The following KAZN variants were observed in gnomAD, a reference collection of about 807,000 sequenced individuals.
KAZN encodes the protein kazrin.
KAZN carries 40 observed loss-of-function variants against 87.4 expected under a neutral mutation model. The observed-to-expected ratio is 0.46, with a 90% confidence interval of 0.36 to 0.60. The LOEUF is 0.60. Among genes scored for constraint, KAZN ranks in the 20% least tolerant of loss-of-function variants. KAZN has a pLI of 0.00. For synonymous variants in KAZN, 466 were observed against 458.3 expected, an observed-to-expected ratio of 1.02 and a Z score of -0.22; for missense variants, 898 against 1,073.9, an observed-to-expected ratio of 0.84 and a Z score of 2.29.
chr1:14,304,549 A>G (rs1163216279), intron 2 of KAZN: 2 of 398,000 alleles, frequency 5.0e-6, no homozygotes, highest in African/African-American at 4.1e-5. Context: ...AGTTTGGTCT[A>G]TTTCTTGGCC....
rs1644532110 is a variant in KAZN at position 14,755,334 on chromosome 1, C to T, written c.226+156111C>T. Among the ~76,000 whole-genome samples, 3 of 152,244 alleles carry T rather than the reference C, an allele frequency of 2.0e-5. 1 individual carries two copies. In the South Asian group the frequency reaches 6.2e-4, roughly 32 times the overall value. On this transcript the variant is annotated intron_variant, in intron 1 of 14. Coordinates refer to ENST00000376030, the MANE Select transcript of KAZN (RefSeq NM_201628.3). Reference sequence around the variant, plus strand: ...AAATTCCCTTTCACCTGTCTCCCTGCCCTTTGCTGCCCCTGACCCCACTCC... The same window carrying T: ...AAATTCCCTTTCACCTGTCTCCCTGTCCTTTGCTGCCCCTGACCCCACTCC...
At chr1:14,426,130 G>A (rs1190085283) in intron 2 of KAZN, among the ~76,000 whole-genome samples, 1 of 152,158 alleles carries the variant, frequency 6.6e-6, no homozygotes, top group Non-Finnish European at 1.5e-5. Flanking sequence ...TGGCCTTTAA[G>A]CTCTTCCTCA....
intron 2 of KAZN, among the ~76,000 whole-genome samples, chr1:14,415,077 G>A (rs777118426): frequency 6.6e-6 from 1 of 152,062 alleles, no homozygotes; most frequent in Non-Finnish European, 1.5e-5. Context: ...CACAGAGGGA[G>A]CTTCAATTGT....
intron 2 of KAZN, among the ~76,000 whole-genome samples, chr1:14,182,922 G>A (rs1233246740): frequency 6.6e-6 from 1 of 152,130 alleles, no homozygotes; most frequent in African/African-American, 2.4e-5. Context: ...AGGTTTTTGT[G>A]TTGCAGGATG....
intron 1 of KAZN, among the ~76,000 whole-genome samples, chr1:14,608,891 T>G (rs1029559298): frequency 3.3e-5 from 5 of 152,232 alleles, no homozygotes; most frequent in Non-Finnish European, 7.3e-5. Context: ...TTTGCTTTAA[T>G]TTGGCAAGTG....
chr1:14,968,380 C>G (rs542308996), intron 2 of KAZN, among the ~76,000 whole-genome samples: 11 of 152,162 alleles, frequency 7.2e-5, no homozygotes, highest in Non-Finnish European at 1.3e-4. Flanking sequence ...TTCGCTCGCT[C>G]GCCCCTCACC....
At chr1:14,845,542 G>A (rs904469852) in intron 1 of KAZN, among the ~76,000 whole-genome samples, 2 of 149,068 alleles carry the variant, frequency 1.3e-5, no homozygotes, top group African/African-American at 5.0e-5. Flanking sequence ...TAGGTGGATG[G>A]ATGCATAGAT....
chr1:15,068,954 G>A (rs1472614495), intron 8 of KAZN, among the ~76,000 whole-genome samples: 2 of 152,060 alleles, frequency 1.3e-5, no homozygotes, highest in Non-Finnish European at 2.9e-5. Flanking sequence ...GATTGGGAAG[G>A]CCAGGAAAGC....
chr1:13,993,090 T>A (rs12727487), intron 1 of KAZN, among the ~76,000 whole-genome samples: 21,960 of 152,094 alleles, frequency 0.14, 1,713 homozygotes, highest in Middle Eastern at 0.2. Context: ...GCTAAGGCCA[T>A]GTGAATAGAA....
chr1:14,012,097 A>G (rs954771760), intron 1 of KAZN, among the ~76,000 whole-genome samples: 26 of 152,196 alleles, frequency 1.7e-4, no homozygotes, highest in African/African-American at 6.0e-4. Context: ...TGTTCATGTA[A>G]GTGAGAGACC....
chr1:14,931,795 G>A (rs1199996101), intron 1 of KAZN, among the ~76,000 whole-genome samples: 5 of 152,148 alleles, frequency 3.3e-5, no homozygotes, highest in Admixed American at 3.3e-4. Context: ...GCACAGGGAC[G>A]ATTCACAGGC....
intron 2 of KAZN, among the ~76,000 whole-genome samples, chr1:14,260,944 C>T (rs530441466): frequency 1.3e-5 from 2 of 152,334 alleles, no homozygotes; most frequent in Non-Finnish European, 2.9e-5. Context: ...CCACATCTGC[C>T]TCCCTTGCTA....
chr1:14,011,277 C>T (rs992191143), intron 1 of KAZN, among the ~76,000 whole-genome samples: 3 of 152,230 alleles, frequency 2.0e-5, no homozygotes, highest in Non-Finnish European at 4.4e-5. Context: ...GTTTCGCACT[C>T]TTTCTTGCTC....
intron 2 of KAZN, among the ~76,000 whole-genome samples, chr1:14,293,581 G>C (rs935865996): frequency 2.6e-5 from 4 of 151,876 alleles, no homozygotes; most frequent in African/African-American, 9.7e-5. Context: ...CTGAGCCCCT[G>C]GTCTTGGTCC....
chr1:15,013,262 G>A (rs763410455), intron 2 of KAZN, among the ~76,000 whole-genome samples: 1 of 152,182 alleles, frequency 6.6e-6, no homozygotes, highest in Admixed American at 6.5e-5. Flanking sequence ...TTTTAGCACT[G>A]TGGGAATAGC....
At chr1:14,235,232 ATAT>A (rs1258909191) in intron 2 of KAZN, among the ~76,000 whole-genome samples, 4 of 152,238 alleles carry the variant, frequency 2.6e-5, no homozygotes, top group East Asian at 3.8e-4. Flanking sequence ...ACACAATGAA[ATAT>A]TATTCATCCA....
intron 2 of KAZN, among the ~76,000 whole-genome samples, chr1:14,962,573 C>A (rs114099158): frequency 1.3e-5 from 2 of 152,196 alleles, no homozygotes; most frequent in African/African-American, 4.8e-5. Flanking sequence ...ACCCAAGTCT[C>A]GGGAATCTCC....
chr1:14,311,984 C>T (rs549507211), intron 2 of KAZN, among the ~76,000 whole-genome samples: 8 of 152,136 alleles, frequency 5.3e-5, no homozygotes, highest in African/African-American at 1.9e-4. Context: ...AGAATTCTTA[C>T]TGGATATGGA....
chr1:13,894,502 A>C (rs1638960128), intron 1 of KAZN, among the ~76,000 whole-genome samples: 1 of 152,202 alleles, frequency 6.6e-6, no homozygotes, highest in African/African-American at 2.4e-5. Context: ...TTGGAGTCAC[A>C]CACGAAATAG....
Sources: gnomAD v4.1 joint callset for allele counts (sites outside exome capture counted in the v4.1 genomes callset) on GRCh38, gnomAD v4.1.1 for gene constraint, MANE v1.5 for transcripts, NCBI Gene and HGNC (gene_info 2026-07-23, HGNC 2026-07-21) for gene names.